Variants in PSMB7 observed in about 807,000 individuals in gnomAD.
PSMB7 encodes proteasome 20S subunit beta 7.
PSMB7 carries 5 observed loss-of-function variants against 28.1 expected under a neutral mutation model. The ratio of observed to expected loss-of-function variants is 0.18; its 90% confidence interval spans 0.09 to 0.37. The LOEUF is 0.37. Ranked by LOEUF, PSMB7 falls within the 10% of genes least tolerant of loss-of-function variation. The probability of loss-of-function intolerance (pLI) is 1.00; values close to 1 mark genes in which losing one functional copy is unlikely to be tolerated. For missense variants in PSMB7, 275 were observed against 346.2 expected (o/e 0.79, Z 1.63); for synonymous variants, 122 against 123.7 (o/e 0.99, Z 0.09).
At chr9:124,358,928 T>C (rs1830440684) in intron 6 of PSMB7, among the ~76,000 whole-genome samples, 1 of 152,210 alleles carries the variant, frequency 6.6e-6, no homozygotes, top group Non-Finnish European at 1.5e-5. Context: ...GGTGAAGACT[T>C]GGGGAAACGG....
chr9:124,390,799 G>C (rs1157059507), intron 5 of PSMB7, among the ~76,000 whole-genome samples: 2 of 152,058 alleles, frequency 1.3e-5, no homozygotes, highest in Admixed American at 1.3e-4. Flanking sequence ...GAAAAAACAA[G>C]CAAAAGACCA....
chr9:124,407,723 C>A (rs1244509311), intron 4 of PSMB7, among the ~76,000 whole-genome samples: 1 of 152,072 alleles, frequency 6.6e-6, no homozygotes, highest in East Asian at 1.9e-4. Context: ...TATAAACAGA[C>A]AAATGTACAG....
chr9:124,355,978 C>T (rs1398011141), intron 7 of PSMB7, among the ~76,000 whole-genome samples: 2 of 152,152 alleles, frequency 1.3e-5, no homozygotes, highest in East Asian at 3.9e-4. Flanking sequence ...TCGGGGCTAC[C>T]GTGGAGCTGA....
At chr9:124,366,206 A>G (rs1830506299) in intron 6 of PSMB7, among the ~76,000 whole-genome samples, 1 of 152,232 alleles carries the variant, frequency 6.6e-6, no homozygotes, top group Admixed American at 6.5e-5. Context: ...TGAGGTCAAG[A>G]GTTTGAGACC....
At chr9:124,357,966 G>A (rs1564674513) in intron 6 of PSMB7, among the ~76,000 whole-genome samples, 1 of 152,198 alleles carries the variant, frequency 6.6e-6, no homozygotes, top group African/African-American at 2.4e-5. Flanking sequence ...CAACGGCAGT[G>A]GTACTGGACC....
chr9:124,403,987 G>A (rs563017703), intron 5 of PSMB7, among the ~76,000 whole-genome samples: 107 of 151,376 alleles, frequency 7.1e-4, no homozygotes, highest in Non-Finnish European at 1.4e-3. Flanking sequence ...AAACTCCTGG[G>A]CTCATACAAT....
At chr9:124,360,292 C>T (rs926360197) in intron 6 of PSMB7, among the ~76,000 whole-genome samples, 5 of 152,346 alleles carry the variant, frequency 3.3e-5, no homozygotes, top group African/African-American at 1.2e-4. Context: ...CCACAATAAG[C>T]GCAAGAAGCA....
intron 3 of PSMB7, among the ~76,000 whole-genome samples, chr9:124,413,221 G>A (rs548492184): frequency 6.7e-6 from 1 of 150,106 alleles, no homozygotes; most frequent in East Asian, 2.0e-4. Context: ...TATATGAGCT[G>A]GAATAAAAAC....
intron 6 of PSMB7, among the ~76,000 whole-genome samples, chr9:124,375,502 T>G (rs974254245): frequency 6.6e-6 from 1 of 152,154 alleles, no homozygotes; most frequent in Non-Finnish European, 1.5e-5. Context: ...AGAAAATAAT[T>G]TGGGGTCTAA....
intron 5 of PSMB7, chr9:124,396,810 T>G (rs141725278): frequency 7.2e-5 from 34 of 471,308 alleles, no homozygotes; most frequent in African/African-American, 3.8e-4. Flanking sequence ...TCCCCAAGCT[T>G]CTTCTGACAC....
At chr9:124,401,746 T>A (rs756525131) in intron 5 of PSMB7, among the ~76,000 whole-genome samples, 2 of 152,006 alleles carry the variant, frequency 1.3e-5, no homozygotes, top group Non-Finnish European at 2.9e-5. Flanking sequence ...TGAGGCCGGG[T>A]GCAGTGGCTC....
intron 5 of PSMB7, chr9:124,398,361 A>C (rs1425938163): frequency 4.7e-6 from 1 of 212,796 alleles, no homozygotes; most frequent in African/African-American, 2.4e-5. Context: ...CTGCACAGCT[A>C]CGACCACGGA....
intron 4 of PSMB7, among the ~76,000 whole-genome samples, chr9:124,408,862 C>A: frequency 6.6e-6 from 1 of 152,088 alleles, no homozygotes; most frequent in East Asian, 1.9e-4. Flanking sequence ...CTAGTGTCTA[C>A]GTTTTTTACA....
At chr9:124,391,645 CA>C (rs10706624) in intron 5 of PSMB7, among the ~76,000 whole-genome samples, 141,690 of 144,272 alleles carry the variant, frequency 0.98, 69,583 homozygotes, top group East Asian at 1. Context: ...TAGTCTCATT[CA>C]AAAAAAAAAA....
intron 6 of PSMB7, 139 bp from the exon 7 acceptor site, chr9:124,357,054 A>G (rs1158193187): frequency 1.0e-6 from 1 of 996,878 alleles, no homozygotes; most frequent in African/African-American, 1.6e-5. Flanking sequence ...ACAGATGAGG[A>G]AAAGATCTCA....
At chr9:124,365,629 T>C (rs1424472024) in intron 6 of PSMB7, among the ~76,000 whole-genome samples, 1 of 152,202 alleles carries the variant, frequency 6.6e-6, no homozygotes, top group Non-Finnish European at 1.5e-5. Flanking sequence ...AAAATTATCA[T>C]GAAGCTAAAA....
chr9:124,411,525 A>G (rs1416090925), intron 4 of PSMB7, among the ~76,000 whole-genome samples: 1 of 152,262 alleles, frequency 6.6e-6, no homozygotes, highest in Admixed American at 6.5e-5. Context: ...GCAAGTCCCA[A>G]AAGGAGAAGC....
In PSMB7 at chr9:124,414,864, G is replaced by A. The variant is rs149845424; in HGVS notation, c.134C>T (p.Thr45Ile). Residue 45 changes from threonine (T) to isoleucine (I), a missense_variant, in exon 2 of 8, where the codon ACC becomes ATC. By Grantham distance (89) the Thr-to-Ile change is moderately conservative. Around this residue, in one of 2 missense-constraint regions of PSMB7, gnomAD observed 213 missense variants for 302.4 expected, o/e 0.70. Transcript: ENST00000259457. ...TACCTTATAGACCACCCCAGCGATG[G>A]TCGTGCCAGTTTTCCGGACCTTTGG... is the stretch of plus-strand genomic sequence containing the variant. ...KLPKVRKTGT[T>I]IAGVVYKDGI... 6.2e-7 allele frequency: 1 copy of A among 1,613,934 alleles called. No individual in the cohort carries two copies. The highest frequency in any genetic ancestry group is 8.5e-7 in the Non-Finnish European group (1 of 1,180,000).
chr9:124,365,992 G>A (rs530101459), intron 6 of PSMB7, among the ~76,000 whole-genome samples: 5 of 152,314 alleles, frequency 3.3e-5, no homozygotes, highest in Admixed American at 6.5e-5. Context: ...AGATGTGGAC[G>A]CAAAAGACGG....
Sources: allele counts gnomAD v4.1 joint callset (sites outside exome capture counted in the v4.1 genomes callset), GRCh38; gene constraint gnomAD v4.1.1; regional missense constraint gnomAD v4.1.1; transcripts MANE v1.5; gene names NCBI Gene and HGNC (gene_info 2026-07-23, HGNC 2026-07-21).